Variants in GREB1L observed in about 807,000 individuals in gnomAD.
GREB1L encodes the protein GREB1-like protein.
In GREB1L, 17 loss-of-function variants were observed where a neutral mutation model predicts 200.8. The observed-to-expected ratio is 0.08, with a 90% CI of 0.06 to 0.13. The LOEUF is 0.13. GREB1L is among the 10% of genes least tolerant of loss of function. The pLI is 1.00. For missense variants in GREB1L, 1,657 were observed against 2,367.7 expected, an observed-to-expected ratio of 0.70 and a Z score of 6.23; for synonymous variants, 789 against 893.0, an observed-to-expected ratio of 0.88 and a Z score of 2.08.
intron 1 of GREB1L, among the ~76,000 whole-genome samples, chr18:21,259,310 C>T (rs1489655347): frequency 6.6e-6 from 1 of 152,132 alleles, no homozygotes. Context: ...ATAATTTTCT[C>T]ATAATTTTTC....
intron 1 of GREB1L, among the ~76,000 whole-genome samples, chr18:21,291,533 G>A (rs1327212820): frequency 6.6e-6 from 1 of 152,190 alleles, no homozygotes; most frequent in African/African-American, 2.4e-5. Flanking sequence ...CAAAGAGGCA[G>A]CCTGTGTCAT....
chr18:21,328,806 T>G (rs1348929601), intron 1 of GREB1L, among the ~76,000 whole-genome samples: 1 of 152,156 alleles, frequency 6.6e-6, no homozygotes, highest in Non-Finnish European at 1.5e-5. Context: ...ATGATAGTAA[T>G]CAGTTATTAT....
At chr18:21,408,935 T>C (rs915761839) in intron 7 of GREB1L, among the ~76,000 whole-genome samples, 1 of 151,968 alleles carries the variant, frequency 6.6e-6, no homozygotes, top group Non-Finnish European at 1.5e-5. Context: ...ATTGGTAAAA[T>C]GTGGCAGCCA....
At chr18:21,288,773 T>G (rs972410042) in intron 1 of GREB1L, among the ~76,000 whole-genome samples, 10 of 152,032 alleles carry the variant, frequency 6.6e-5, no homozygotes, top group African/African-American at 2.4e-4. Flanking sequence ...GTTTCACTCT[T>G]GTCGCCCAGG....
chr18:21,272,150 T>C (rs1164635415), intron 1 of GREB1L, among the ~76,000 whole-genome samples: 1 of 152,206 alleles, frequency 6.6e-6, no homozygotes, highest in Non-Finnish European at 1.5e-5. Flanking sequence ...GCTTAATTAC[T>C]TGCTCATGCT....
chr18:21,272,977 A>G (rs545743357), intron 1 of GREB1L, among the ~76,000 whole-genome samples: 1 of 152,336 alleles, frequency 6.6e-6, no homozygotes, highest in Non-Finnish European at 1.5e-5. Flanking sequence ...CTGTAATCCC[A>G]GTACTTTGGG....
At chr18:21,454,620 C>T in intron 15 of GREB1L, 57 bp downstream of exon 15, 1 of 1,314,474 alleles carries the variant, frequency 7.6e-7, no homozygotes, top group Non-Finnish European at 1.1e-6. Flanking sequence ...ATCCCCTCTG[C>T]CTCTTTCTTT....
At position 21,435,581 on chromosome 18, in the gene GREB1L, G is replaced by C. The variant is rs192842749; in HGVS notation, c.833-3940G>C. On this transcript the variant is annotated intron_variant, in intron 7 of 32. Transcript: ENST00000424526. ...ATGAGGAGATCTTCACTGTACAAAG[G>C]AGTAGAGGAAAAGCAATTCAGATTC... 1.8e-3 allele frequency among the ~76,000 whole-genome samples: 276 copies of C among 152,274 alleles called. 1 individual carries two copies. Among genetic ancestry groups the C allele is most frequent in the East Asian group, 9.8e-3 (51 of 5,186 alleles).
chr18:21,487,429 A>C (rs2036167881), intron 18 of GREB1L, among the ~76,000 whole-genome samples: 1 of 152,210 alleles, frequency 6.6e-6, no homozygotes, highest in African/African-American at 2.4e-5. Context: ...AAAAAGCATT[A>C]AGCTTGAAAC....
intron 1 of GREB1L, among the ~76,000 whole-genome samples, chr18:21,320,089 C>T (rs891003124): frequency 1.3e-5 from 2 of 152,202 alleles, no homozygotes; most frequent in African/African-American, 2.4e-5. Flanking sequence ...TTCCTGCTAG[C>T]TCAAAATATG....
chr18:21,338,538 C>G (rs2039221873), intron 1 of GREB1L, among the ~76,000 whole-genome samples: 1 of 152,274 alleles, frequency 6.6e-6, no homozygotes, highest in South Asian at 2.1e-4. Context: ...ACCACCATCA[C>G]TGTCAGACCA....
At chr18:21,354,087 C>A (rs1255362412) in intron 1 of GREB1L, among the ~76,000 whole-genome samples, 2 of 152,078 alleles carry the variant, frequency 1.3e-5, no homozygotes, top group Admixed American at 1.3e-4. Flanking sequence ...CTGTACCCAG[C>A]CTATAAATTA....
chr18:21,417,755 C>T (rs1195647639), intron 7 of GREB1L, among the ~76,000 whole-genome samples: 11 of 151,724 alleles, frequency 7.3e-5, no homozygotes, highest in African/African-American at 2.4e-5. Context: ...ACTTTGGGGC[C>T]GAGGCGGGTG....
In GREB1L at chr18:21,456,547, CTG is replaced by C. The variant is rs1198289940; in HGVS notation, c.2182+1986_2182+1987del. On this transcript the variant is annotated intron_variant, in intron 15 of 32. Transcript: ENST00000424526. ...GAGCTGACTGACAGTACATTTTTCC[CTG>C]TTTCTATCTCTTTAACCCCTCTTGG... Among the ~76,000 whole-genome samples, 3 of 152,110 alleles carry C rather than the reference CTG, an allele frequency of 2.0e-5. No individual in the cohort carries two copies. The East Asian group carries it at 5.8e-4, about 29-fold the overall frequency.
intron 15 of GREB1L, among the ~76,000 whole-genome samples, chr18:21,464,972 C>A (rs1261991190): frequency 1.6e-4 from 24 of 152,070 alleles, no homozygotes; most frequent in Admixed American, 1.6e-3. Context: ...TATAATAATT[C>A]ATTTATTTTT....
In GREB1L at chr18:21,279,258, A is replaced by G. The variant is rs1158913930; in HGVS notation, c.-120+36865A>G. On this transcript the variant is annotated intron_variant, in intron 1 of 32. Coordinates refer to ENST00000424526, the MANE Select transcript of GREB1L (RefSeq NM_001142966.3). The stretch of plus-strand genomic sequence containing the variant: ...TAATTGTAATTATATATGTAATTTT[A>G]TATTCTTATTTTAAAGTTAGTATTT... 6.6e-5 allele frequency among the ~76,000 whole-genome samples: 10 copies of G among 152,150 alleles called. No homozygotes were observed. The East Asian group carries it at 1.9e-3, about 29-fold the overall frequency.
rs566183302 is a variant in GREB1L, at chr18:21,338,247, G to A, written c.-119-27780G>A. Reference sequence around the variant, plus strand: ...CCACTGACTCATGAATCTCTGAGAGGGAATAAGAGCTCTACATGGCAACAG... The same window carrying A: ...CCACTGACTCATGAATCTCTGAGAGAGAATAAGAGCTCTACATGGCAACAG... On this transcript the variant is annotated intron_variant, in intron 1 of 32. Coordinates refer to ENST00000424526, the MANE Select transcript of GREB1L (RefSeq NM_001142966.3). Among the ~76,000 whole-genome samples, 53 of 152,262 alleles carry A rather than the reference G, an allele frequency of 3.5e-4. 1 individual carries two copies. In the South Asian group the frequency reaches 8.5e-3, roughly 24 times the overall value.
At chr18:21,268,560 C>T (rs12967623) in intron 1 of GREB1L, among the ~76,000 whole-genome samples, 1,823 of 63,374 alleles carry the variant, frequency 0.029, 37 homozygotes, top group Middle Eastern at 0.051. Flanking sequence ...CACACACACA[C>T]ATATATATAT....
chr18:21,402,529 T>A (rs956086949), intron 6 of GREB1L, among the ~76,000 whole-genome samples: 3 of 151,342 alleles, frequency 2.0e-5, no homozygotes, highest in African/African-American at 4.9e-5. Flanking sequence ...TTCCCCTTCC[T>A]TTCCTTTCTT....
Sources: gnomAD v4.1 joint callset for allele counts (sites outside exome capture counted in the v4.1 genomes callset) on GRCh38, gnomAD v4.1.1 for gene constraint, MANE v1.5 for transcripts, NCBI Gene and HGNC (gene_info 2026-07-23, HGNC 2026-07-21) for gene names.